The following GPC5 variants were observed in gnomAD, a reference collection of about 807,000 sequenced individuals.
The protein encoded by GPC5 is glypican 5.
Under a neutral mutation model 53.9 loss-of-function variants are expected in GPC5, and 47 were observed. The ratio of observed to expected loss-of-function variants is 0.87; its 90% CI spans 0.69 to 1.11. GPC5 has a LOEUF of 1.11. Ranked by LOEUF, GPC5 falls within the 50% of genes most tolerant of loss-of-function variation. GPC5 has a pLI of 0.00. For missense variants in GPC5, 748 were observed against 713.1 expected (o/e 1.05, Z -0.56); for synonymous variants, 286 against 263.3 (o/e 1.09, Z -0.84).
At chr13:92,137,743 G>T (rs922971227) in intron 6 of GPC5, among the ~76,000 whole-genome samples, 1 of 151,976 alleles carries the variant, frequency 6.6e-6, no homozygotes, top group South Asian at 2.1e-4. Flanking sequence ...CTCCCACCTC[G>T]CCTCCCAAGA....
intron 2 of GPC5, among the ~76,000 whole-genome samples, chr13:91,497,969 A>G (rs7983854): frequency 0.023 from 3,531 of 152,066 alleles, 153 homozygotes; most frequent in African/African-American, 0.082. Context: ...CATTTCCCCT[A>G]CTTTTGATTT....
At chr13:92,143,983 G>T (rs762044793) in intron 6 of GPC5, among the ~76,000 whole-genome samples, 1 of 152,152 alleles carries the variant, frequency 6.6e-6, no homozygotes, top group East Asian at 1.9e-4. Context: ...CTCACACTTG[G>T]CCATGTGCTC....
At chr13:92,376,858 T>C (rs562773906) in intron 7 of GPC5, among the ~76,000 whole-genome samples, 9 of 151,910 alleles carry the variant, frequency 5.9e-5, no homozygotes, top group Admixed American at 5.3e-4. Context: ...CTACTAAAAA[T>C]ACAAAAAATT....
chr13:91,837,058 T>C (rs2038729622), intron 5 of GPC5, among the ~76,000 whole-genome samples: 1 of 149,576 alleles, frequency 6.7e-6, no homozygotes, highest in Non-Finnish European at 1.5e-5. Context: ...TATATATTTA[T>C]ATTTATTTAT....
At chr13:91,474,668 C>T (rs1281754452) in intron 2 of GPC5, among the ~76,000 whole-genome samples, 1 of 151,466 alleles carries the variant, frequency 6.6e-6, no homozygotes, top group Non-Finnish European at 1.5e-5. Context: ...GTAAGTGCTA[C>T]AAAAAAAACC....
rs554827528 is a variant in GPC5 at position 91,572,044 on chromosome 13, C to T, written c.326-121143C>T. On this transcript the variant is annotated intron_variant, in intron 2 of 7. Coordinates refer to ENST00000377067, the MANE Select transcript of GPC5 (RefSeq NM_004466.6). ...ATACGTGTGTATATATGTGTATATA[C>T]ACACATATGTATATATACATGTATA... 1.2e-3 allele frequency among the ~76,000 whole-genome samples: 119 copies of T among 103,106 alleles called. 15 individuals carry two copies. Among genetic ancestry groups the T allele is most frequent in the African/African-American group, 5.7e-3 (105 of 18,420 alleles). 67.6% of individuals were successfully genotyped at this position (103,106 alleles called of 152,430 possible).
intron 2 of GPC5, among the ~76,000 whole-genome samples, chr13:91,542,014 C>CTTGATA (rs2029966173): frequency 7.0e-5 from 3 of 42,672 alleles, no homozygotes; most frequent in Non-Finnish European, 1.3e-4. Context: ...CATTTGAGCT[C>CTTGATA]TTAATATTAA....
In GPC5 at chr13:91,551,380, A is replaced by G. The variant is rs1047174012; in HGVS notation, c.325+102458A>G. Among the ~76,000 whole-genome samples, 5 of 152,138 alleles carry G rather than the reference A, an allele frequency of 3.3e-5. No individual in the cohort carries two copies. The South Asian group carries it at 8.3e-4, about 25-fold the overall frequency. ...AAAGAGTAAGGCAGGCAATGTGCCA[A>G]TCTCTGTTTACTGTTTTCCCAAGTA... On this transcript the variant is annotated intron_variant, in intron 2 of 7. Coordinates refer to ENST00000377067, the MANE Select transcript of GPC5 (RefSeq NM_004466.6).
At chr13:92,367,102 T>A (rs61973562) in intron 7 of GPC5, among the ~76,000 whole-genome samples, 1 of 152,080 alleles carries the variant, frequency 6.6e-6, no homozygotes, top group Admixed American at 6.5e-5. Flanking sequence ...TCTGCACTAG[T>A]AAGGCACACC....
At chr13:92,399,609 T>C (rs1441476133) in intron 7 of GPC5, among the ~76,000 whole-genome samples, 2 of 152,104 alleles carry the variant, frequency 1.3e-5, no homozygotes, top group African/African-American at 2.4e-5. Flanking sequence ...TGTTGCCACA[T>C]TGGATTCCAG....
intron 7 of GPC5, among the ~76,000 whole-genome samples, chr13:92,329,438 T>C (rs1414643139): frequency 2.6e-5 from 4 of 152,118 alleles, no homozygotes; most frequent in Non-Finnish European, 5.9e-5. Flanking sequence ...CAGATGGTGC[T>C]AAGCCCTCAT....
intron 7 of GPC5, among the ~76,000 whole-genome samples, chr13:92,823,825 A>G (rs1250050986): frequency 6.6e-6 from 1 of 152,106 alleles, no homozygotes; most frequent in Non-Finnish European, 1.5e-5. Context: ...ACTACCTAAT[A>G]CAGACATCAA....
At chr13:91,525,107 G>A (rs965607973) in intron 2 of GPC5, among the ~76,000 whole-genome samples, 5 of 151,954 alleles carry the variant, frequency 3.3e-5, no homozygotes, top group African/African-American at 9.7e-5. Context: ...CCTTCCCCTC[G>A]TAGAATGTGT....
intron 2 of GPC5, among the ~76,000 whole-genome samples, chr13:91,523,344 G>C (rs1885928960): frequency 6.6e-6 from 1 of 152,184 alleles, no homozygotes; most frequent in Admixed American, 6.5e-5. Context: ...AACAACCCAA[G>C]TGTCTGTCAA....
At chr13:92,121,399 A>C (rs1389326537) in intron 6 of GPC5, among the ~76,000 whole-genome samples, 1 of 152,194 alleles carries the variant, frequency 6.6e-6, no homozygotes, top group Non-Finnish European at 1.5e-5. Context: ...TTGCTGAATT[A>C]ATCTGTCAGG....
chr13:92,232,877 C>T (rs1385302743), intron 7 of GPC5, among the ~76,000 whole-genome samples: 1 of 152,058 alleles, frequency 6.6e-6, no homozygotes, highest in Admixed American at 6.6e-5. Context: ...TTTTTTTTGA[C>T]GATTCAAGCA....
At chr13:92,856,668 T>C (rs1038002086) in intron 7 of GPC5, among the ~76,000 whole-genome samples, 4 of 152,026 alleles carry the variant, frequency 2.6e-5, no homozygotes, top group South Asian at 2.1e-4. Flanking sequence ...CAAAAATCAA[T>C]ATTATTACTA....
Position 92,058,621 on chromosome 13 carries a change from C to A in GPC5, c.1402-86209C>A, listed in dbSNP as rs114098909. 6.4e-3 allele frequency among the ~76,000 whole-genome samples: 976 copies of A among 152,306 alleles called. 18 individuals carry two copies. The highest frequency in any genetic ancestry group is 0.022 in the African/African-American group (935 of 41,558). ...GTGGTGGTGCGATCTTAGCTCACTG[C>A]AACCACCACCTCCTCGGTTCAAGCA... On this transcript the variant is annotated intron_variant, in intron 6 of 7. Transcript: ENST00000377067.
intron 7 of GPC5, among the ~76,000 whole-genome samples, chr13:92,322,671 A>T (rs2043224086): frequency 6.6e-6 from 1 of 152,168 alleles, no homozygotes; most frequent in Non-Finnish European, 1.5e-5. Flanking sequence ...GTAATGAAAT[A>T]TCTTAAGTAG....
Sources: gnomAD v4.1 joint callset for allele counts (sites outside exome capture counted in the v4.1 genomes callset) on GRCh38, gnomAD v4.1.1 for gene constraint, MANE v1.5 for transcripts, NCBI Gene and HGNC (gene_info 2026-07-23, HGNC 2026-07-21) for gene names.